Variants in GPR107 observed in about 807,000 individuals in gnomAD.
The protein encoded by GPR107 is G protein-coupled receptor 107.
Under a neutral mutation model 75.5 loss-of-function variants are expected in GPR107, and 31 were observed. The ratio of observed to expected loss-of-function variants is 0.41; its 90% CI spans 0.31 to 0.55. GPR107 has a LOEUF of 0.55. GPR107 is among the 20% of genes least tolerant of loss of function. GPR107 has a pLI of 0.26. For missense variants in GPR107, 572 were observed against 665.7 expected, an observed-to-expected ratio of 0.86 and a Z score of 1.55; for synonymous variants, 267 against 251.3, an observed-to-expected ratio of 1.06 and a Z score of -0.59.
At chr9:130,099,368 T>C (rs1830957747) in intron 9 of GPR107, 89 bp from the exon 10 acceptor site, 2 of 751,596 alleles carry the variant, frequency 2.7e-6, no homozygotes, top group African/African-American at 3.5e-5. Flanking sequence ...ATTTCCTGTC[T>C]CCTTATAAAT....
chr9:130,113,936 T>C (rs1831361631), intron 14 of GPR107, among the ~76,000 whole-genome samples: 1 of 151,984 alleles, frequency 6.6e-6, no homozygotes, highest in Admixed American at 6.6e-5. Context: ...CACAGCAAGT[T>C]GAATGCTGAT....
chr9:130,114,052 T>TTTTTTTTTTTTTTTTTTTTTTGA (rs1564680203), intron 14 of GPR107, among the ~76,000 whole-genome samples: 1 of 63,830 alleles, frequency 1.6e-5, no homozygotes, highest in African/African-American at 5.0e-5. Flanking sequence ...TTTTTTTTCA[T>TTTTTTTTTTTTTTTTTTTTTTGA]TTTTTTTTTT....
At chr9:130,064,162 A>ATCT (rs1409809079) in intron 1 of GPR107, among the ~76,000 whole-genome samples, 6 of 136,170 alleles carry the variant, frequency 4.4e-5, no homozygotes, top group African/African-American at 1.4e-4. Context: ...AAGAAATTGT[A>ATCT]TCTGAACTAT....
intron 17 of GPR107, among the ~76,000 whole-genome samples, chr9:130,133,664 C>T (rs782410022): frequency 1.3e-5 from 2 of 152,198 alleles, no homozygotes; most frequent in Non-Finnish European, 2.9e-5. Flanking sequence ...CCAGAAGTGA[C>T]GCTGGGCGGC....
chr9:130,066,804 T>C (rs891972426), intron 1 of GPR107, among the ~76,000 whole-genome samples: 33 of 152,136 alleles, frequency 2.2e-4, no homozygotes, highest in Non-Finnish European at 2.9e-4. Context: ...GCTAACACGA[T>C]GAAACCCCGT....
Position 130,079,611 on chromosome 9 carries a change from C to T in GPR107, c.387-19C>T, listed in dbSNP as rs1219637596. On this transcript the variant is annotated intron_variant, in intron 4 of 17. Coordinates refer to ENST00000347136, the MANE Select transcript of GPR107 (RefSeq NM_020960.5). ...AGCACTGCTTTGACCTTTTTTCCTT[C>T]TGTCTTATTTGAATGTAGGGTAAGA... The T allele has an allele frequency of 2.5e-6, 4 of 1,608,918 alleles. No homozygotes were observed. Among genetic ancestry groups the T allele is most frequent in the Admixed American group, 3.4e-5 (2 of 58,848 alleles).
At chr9:130,081,505 C>A (rs674305) in intron 5 of GPR107, among the ~76,000 whole-genome samples, 1,825 of 151,876 alleles carry the variant, frequency 0.012, 23 homozygotes, top group Middle Eastern at 0.054. Context: ...AACCCCGTCT[C>A]TACTAAAAAT....
intron 14 of GPR107, chr9:130,110,465 T>A (rs1349944229): frequency 2.0e-6 from 2 of 1,021,878 alleles, no homozygotes; most frequent in East Asian, 2.6e-5. Flanking sequence ...TAGGAAGACA[T>A]CTGCTAAGGA....
rs772490185 is a variant in GPR107 at position 130,054,092 on chromosome 9, G to A, written c.141+19G>A. ...ACTCAAGGTAAAGCTTGGCAAGGCCGGGCCGGGGGGCGGAGGCCGAGGCCA... is the reference window on the plus strand; with the variant it reads ...ACTCAAGGTAAAGCTTGGCAAGGCCAGGCCGGGGGGCGGAGGCCGAGGCCA... On this transcript the variant is annotated intron_variant, in intron 1 of 17. Transcript: ENST00000347136. 65 of 1,523,386 alleles carry A rather than the reference G, an allele frequency of 4.3e-5. No individual in the cohort carries two copies. Among genetic ancestry groups the A allele is most frequent in the South Asian group, 6.1e-5 (5 of 81,812 alleles). 94.4% of individuals were successfully genotyped at this position (1,523,386 alleles called of 1,614,324 possible).
At chr9:130,125,752 A>G (rs1831661402) in intron 15 of GPR107, among the ~76,000 whole-genome samples, 1 of 151,998 alleles carries the variant, frequency 6.6e-6, no homozygotes, top group Non-Finnish European at 1.5e-5. Flanking sequence ...TTCATTTAAA[A>G]AATTATTGGA....
At chr9:130,076,552 AT>A (rs879236820) in intron 3 of GPR107, 90 bp downstream of exon 3, 7,743 of 710,832 alleles carry the variant, frequency 0.011, no homozygotes, top group South Asian at 0.018. Flanking sequence ...TTCCATTTTC[AT>A]TTTTTTTTTG....
Position 130,137,978 on chromosome 9 carries a change from G to C in GPR107, c.*2857G>C, listed in dbSNP as rs1554900221. ...TTGTGGACTGAAAGCGCTGCTGGCT[G>C]TGAAATTTAATAAAGTGTGTATGCT... On this transcript the variant is annotated 3_prime_UTR_variant, in exon 18 of 18. Coordinates refer to ENST00000347136, the MANE Select transcript of GPR107 (RefSeq NM_020960.5). 6.6e-6 allele frequency: 1 copy of C among 152,242 alleles called. No individual in the cohort carries two copies. Among genetic ancestry groups the C allele is most frequent in the Non-Finnish European group, 1.5e-5 (1 of 68,052 alleles). The allele number at this position is 152,242 out of a possible 1,614,324, so 9.4% of individuals were successfully genotyped here. A position where few individuals can be genotyped will look rare whatever the true frequency, so the allele number is the denominator to read the frequency against.
chr9:130,108,858 A>G (rs1327273272), intron 14 of GPR107: 2 of 379,296 alleles, frequency 5.3e-6, no homozygotes, highest in Admixed American at 3.0e-5. Context: ...AGTGGCTTTA[A>G]GCAGGAGTCA....
chr9:130,097,156 T>C (rs1830894465), intron 9 of GPR107, among the ~76,000 whole-genome samples: 2 of 1,964 alleles, frequency 1.0e-3, no homozygotes, highest in East Asian at 0.12. Flanking sequence ...CTTTTTTTTC[T>C]TTTTTTTTTT....
At chr9:130,133,224 GT>G (rs1264670953) in intron 17 of GPR107, 1 of 152,156 alleles carries the variant, frequency 6.6e-6, no homozygotes, top group Non-Finnish European at 1.5e-5. Flanking sequence ...AATAAAAGTT[GT>G]TTTCTCACTT....
chr9:130,121,433 A>G (rs1374691702), intron 14 of GPR107, among the ~76,000 whole-genome samples: 1 of 152,256 alleles, frequency 6.6e-6, no homozygotes, highest in Non-Finnish European at 1.5e-5. Flanking sequence ...CGCAGGTTGG[A>G]CAAGCTTGCT....
intron 1 of GPR107, among the ~76,000 whole-genome samples, chr9:130,065,627 C>T (rs186953494): frequency 8.7e-5 from 13 of 149,198 alleles, no homozygotes; most frequent in African/African-American, 2.2e-4. Context: ...ATTAGCCCGG[C>T]GTGGTGGCAG....
At chr9:130,063,559 C>T (rs1247022245) in intron 1 of GPR107, among the ~76,000 whole-genome samples, 5 of 151,810 alleles carry the variant, frequency 3.3e-5, no homozygotes, top group Non-Finnish European at 7.4e-5. Flanking sequence ...ATTTGTTTTT[C>T]TTCTTTATTC....
chr9:130,114,232 G>A (rs1203688044), intron 14 of GPR107, among the ~76,000 whole-genome samples: 2 of 134,414 alleles, frequency 1.5e-5, no homozygotes, highest in African/African-American at 5.2e-5. Flanking sequence ...AGCTGAGCGT[G>A]GTAGCGCACA....
Sources: gnomAD v4.1 joint callset for allele counts (sites outside exome capture counted in the v4.1 genomes callset) on GRCh38, gnomAD v4.1.1 for gene constraint, MANE v1.5 for transcripts, NCBI Gene and HGNC (gene_info 2026-07-23, HGNC 2026-07-21) for gene names.